Variants in ADGRL2 observed in about 807,000 individuals in gnomAD.
The protein encoded by ADGRL2 is calcium-independent alpha-latrotoxin receptor 2.
A neutral mutation model predicts 157.4 loss-of-function variants in ADGRL2; 44 were observed. The observed-to-expected ratio is 0.28, with a 90% confidence interval of 0.22 to 0.36. The LOEUF (loss-of-function observed/expected upper bound fraction) is 0.36. Among genes scored for constraint, ADGRL2 ranks in the 10% least tolerant of loss-of-function variants. The pLI is 1.00. For missense variants in ADGRL2, 1,510 were observed against 1,768.9 expected (o/e 0.85, Z 2.63); for synonymous variants, 585 against 624.7 (o/e 0.94, Z 0.95).
chr1:81,750,483 C>G (rs2085454626), intron 1 of ADGRL2, among the ~76,000 whole-genome samples: 1 of 152,122 alleles, frequency 6.6e-6, no homozygotes. Flanking sequence ...CTTTGGGAGG[C>G]CGATGGGGCT....
chr1:81,636,029 A>G (rs192789888), intron 3 of ADGRL2, among the ~76,000 whole-genome samples: 2 of 152,192 alleles, frequency 1.3e-5, no homozygotes, highest in Non-Finnish European at 2.9e-5. Context: ...AAAGGCACAG[A>G]CTGTCTCTCA....
At chr1:81,866,446 A>C (rs937566031) in intron 2 of ADGRL2, among the ~76,000 whole-genome samples, 1 of 152,290 alleles carries the variant, frequency 6.6e-6, no homozygotes, top group Admixed American at 6.5e-5. Flanking sequence ...ATAGAATAGT[A>C]CTTGGCATAT....
At position 81,349,443 on chromosome 1, in the gene ADGRL2, A is replaced by G. The variant is rs537303860; in HGVS notation, c.-302+42934A>G. Among the ~76,000 whole-genome samples, 4 of 152,292 alleles carry G rather than the reference A, an allele frequency of 2.6e-5. No homozygotes were observed. The South Asian group carries it at 6.2e-4, about 24-fold the overall frequency. Reference sequence around the variant, plus strand: ...CCAGTAAACCTTGGCACACAGGCAAATCTGAGAAGGGAAAATGGAAATTTA... The same window carrying G: ...CCAGTAAACCTTGGCACACAGGCAAGTCTGAGAAGGGAAAATGGAAATTTA... On this transcript the variant is annotated intron_variant, in intron 1 of 24. Transcript: ENST00000370721.
At chr1:81,717,822 T>C (rs1384828331) in intron 1 of ADGRL2, among the ~76,000 whole-genome samples, 1 of 152,204 alleles carries the variant, frequency 6.6e-6, no homozygotes, top group Non-Finnish European at 1.5e-5. Context: ...TTCTTGACTG[T>C]TTCTGTTATA....
At chr1:81,420,570 G>A (rs2077106959) in intron 1 of ADGRL2, among the ~76,000 whole-genome samples, 1 of 152,170 alleles carries the variant, frequency 6.6e-6, no homozygotes, top group Non-Finnish European at 1.5e-5. Context: ...TTGATAATGA[G>A]TAAAGAGCAT....
intron 2 of ADGRL2, among the ~76,000 whole-genome samples, chr1:81,903,773 TTATATATATACACATTA>T (rs1207190779): frequency 1.4e-5 from 2 of 144,064 alleles, no homozygotes; most frequent in Admixed American, 7.2e-5. Flanking sequence ...TATATACACA[TTATATATATACACATTA>T]TATATATATA....
intron 2 of ADGRL2, among the ~76,000 whole-genome samples, chr1:81,493,951 G>A (rs1199701123): frequency 6.6e-6 from 1 of 152,138 alleles, no homozygotes; most frequent in East Asian, 1.9e-4. Flanking sequence ...AAGAAAATAA[G>A]AGGCAATGTG....
At chr1:81,479,009 A>G (rs565605628) in intron 2 of ADGRL2, among the ~76,000 whole-genome samples, 26 of 152,180 alleles carry the variant, frequency 1.7e-4, no homozygotes, top group Non-Finnish European at 3.2e-4. Flanking sequence ...TTATTGCACC[A>G]TCAGTATTTA....
At chr1:81,667,397 T>C (rs1415086428) in intron 3 of ADGRL2, among the ~76,000 whole-genome samples, 1 of 152,248 alleles carries the variant, frequency 6.6e-6, no homozygotes, top group Admixed American at 6.5e-5. Context: ...AATCCTCTAA[T>C]TATGTTCGTG....
chr1:81,912,397 T>C (rs1378787223), intron 3 of ADGRL2, among the ~76,000 whole-genome samples: 1 of 152,166 alleles, frequency 6.6e-6, no homozygotes, highest in Non-Finnish European at 1.5e-5. Flanking sequence ...GTAAAATTCA[T>C]TATATTTTTG....
chr1:81,543,985 T>C (rs1410547664), intron 2 of ADGRL2, among the ~76,000 whole-genome samples: 2 of 152,084 alleles, frequency 1.3e-5, no homozygotes, highest in African/African-American at 4.8e-5. Context: ...CAGGGTACAT[T>C]CCCTCACTTC....
At chr1:81,307,241 T>C (rs766622733) in intron 1 of ADGRL2, among the ~76,000 whole-genome samples, 26 of 152,242 alleles carry the variant, frequency 1.7e-4, no homozygotes, top group African/African-American at 7.2e-5. Context: ...ATGATTTCAA[T>C]AGCCAAATGA....
intron 2 of ADGRL2, among the ~76,000 whole-genome samples, chr1:81,904,207 G>C (rs1231149145): frequency 2.0e-5 from 3 of 151,360 alleles, no homozygotes; most frequent in Non-Finnish European, 4.4e-5. Context: ...TAGCAGGGTA[G>C]ATATATATAT....
At chr1:81,555,921 CTG>C (rs2148414924) in intron 2 of ADGRL2, among the ~76,000 whole-genome samples, 1 of 152,248 alleles carries the variant, frequency 6.6e-6, no homozygotes, top group South Asian at 2.1e-4. Flanking sequence ...AAAACAGTGT[CTG>C]CCCCCATTAA....
chr1:81,712,755 ATTTTTTTT>A (rs60265943), intron 1 of ADGRL2, among the ~76,000 whole-genome samples: 1 of 100,250 alleles, frequency 1.0e-5, no homozygotes, highest in Non-Finnish European at 1.9e-5. Flanking sequence ...TGGATCGCGG[ATTTTTTTT>A]TTTTTTTTTT....
intron 1 of ADGRL2, among the ~76,000 whole-genome samples, chr1:81,350,139 T>C (rs1662777981): frequency 6.6e-6 from 1 of 152,188 alleles, no homozygotes; most frequent in African/African-American, 2.4e-5. Context: ...ATTGTGATTT[T>C]AGGGATGAAT....
At chr1:81,905,011 A>G (rs1279022600) in intron 2 of ADGRL2, among the ~76,000 whole-genome samples, 1 of 152,102 alleles carries the variant, frequency 6.6e-6, no homozygotes, top group Admixed American at 6.5e-5. Context: ...AGCAAGTACC[A>G]TGATCTCTTT....
chr1:81,315,866 CA>C (rs1218501077), intron 1 of ADGRL2, among the ~76,000 whole-genome samples: 1 of 151,856 alleles, frequency 6.6e-6, no homozygotes. Flanking sequence ...TGCTAAGTTG[CA>C]GTATATATTT....
chr1:81,746,531 C>T (rs571859440), intron 1 of ADGRL2, among the ~76,000 whole-genome samples: 1 of 152,084 alleles, frequency 6.6e-6, no homozygotes, highest in South Asian at 2.1e-4. Flanking sequence ...CTCAAGGGAT[C>T]CATCTGCCTT....
Sources: gnomAD v4.1 joint callset for allele counts (sites outside exome capture counted in the v4.1 genomes callset) on GRCh38, gnomAD v4.1.1 for gene constraint, MANE v1.5 for transcripts, NCBI Gene and HGNC (gene_info 2026-07-23, HGNC 2026-07-21) for gene names.